Variants in CCDC122 observed in about 807,000 individuals in gnomAD.
CCDC122 encodes the protein coiled-coil domain-containing protein 122.
In CCDC122, 38 loss-of-function variants were observed where a neutral mutation model predicts 37.0. The observed-to-expected ratio is 1.03, with a 90% CI of 0.79 to 1.35. The LOEUF is 1.35. Ranked by LOEUF, CCDC122 falls within the 40% of genes most tolerant of loss-of-function variation. The pLI is 0.00. For missense variants in CCDC122, 305 were observed against 310.0 expected, an observed-to-expected ratio of 0.98 and a Z score of 0.12; for synonymous variants, 83 against 95.6, an observed-to-expected ratio of 0.87 and a Z score of 0.77.
At position 43,847,352 on chromosome 13, in the gene CCDC122, T is replaced by C. The variant is rs75018270; in HGVS notation, c.673-9923A>G. ...GAGAGTAATGATAGAGAACAACATG[T>C]TAGAAGGTGGTATAAAAGGAACTAC... On this transcript the variant is annotated intron_variant, in intron 6 of 6. Coordinates refer to ENST00000444614, the MANE Select transcript of CCDC122 (RefSeq NM_144974.5). Among the ~76,000 whole-genome samples the C allele has an allele frequency of 3.0e-4, 45 of 152,286 alleles. No individual in the cohort carries two copies. The East Asian group carries it at 8.7e-3, about 29-fold the overall frequency.
intron 6 of CCDC122, 148 bp from the exon 7 acceptor site, chr13:43,837,577 T>C: frequency 3.0e-6 from 2 of 663,364 alleles, no homozygotes; most frequent in Non-Finnish European, 4.8e-6. Flanking sequence ...ACAGTAATTG[T>C]AAAACTGTTT....
rs1375441529 is a variant in CCDC122 at position 43,858,823 on chromosome 13, C to T, written c.630G>A (p.Glu210=). The change falls in exon 6 of 7, where the codon GAG becomes GAA. Residue 210 remains glutamate, a synonymous_variant. Transcript: ENST00000444614. Reference sequence around the variant, plus strand: ...ATTTTTCATGTGTCTTTTTTTCTTCCTCAAGAAAACAAGTTTTTTCAATGA... The same window carrying T: ...ATTTTTCATGTGTCTTTTTTTCTTCTTCAAGAAAACAAGTTTTTTCAATGA... ...ESIIEKTCFL[E]EEKKTHEKLR... is the part of the protein sequence containing the mutation. The T allele has an allele frequency of 7.0e-7, 1 of 1,421,594 alleles. No homozygotes were observed. Among genetic ancestry groups the T allele is most frequent in the African/African-American group, 1.4e-5 (1 of 69,178 alleles). 88.1% of individuals were successfully genotyped at this position (1,421,594 alleles called of 1,614,324 possible).
chr13:43,859,639 G>GA, intron 5 of CCDC122, 33 bp downstream of exon 5: 2 of 1,440,982 alleles, frequency 1.4e-6, no homozygotes, highest in South Asian at 1.6e-5. Context: ...AGGAGTAATA[G>GA]AAAAAATAGT....
At chr13:43,860,293 A>G (rs1388482213) in intron 4 of CCDC122, among the ~76,000 whole-genome samples, 1 of 152,076 alleles carries the variant, frequency 6.6e-6, no homozygotes, top group African/African-American at 2.4e-5. Context: ...CTAATTCTAA[A>G]TATTAAAATC....
At chr13:43,872,192 C>T (rs1251463130) in intron 2 of CCDC122, among the ~76,000 whole-genome samples, 1 of 151,890 alleles carries the variant, frequency 6.6e-6, no homozygotes, top group Non-Finnish European at 1.5e-5. Context: ...TCCAATCCAT[C>T]GACTCTTGTA....
chr13:43,826,859 T>C (rs1277949779), intron 3 of CCDC122, among the ~76,000 whole-genome samples: 1 of 152,184 alleles, frequency 6.6e-6, no homozygotes, highest in Non-Finnish European at 1.5e-5. Context: ...TTAAATTTCA[T>C]AATCATGCAT....
At chr13:43,833,440 A>C (rs545020850), downstream of CCDC122, among the ~76,000 whole-genome samples, 14 of 152,330 alleles carry the variant, frequency 9.2e-5, no homozygotes, top group East Asian at 2.3e-3. Flanking sequence ...AAGACTCAGT[A>C]TTTTGAGAGT....
At chr13:43,845,234 C>T (rs769754876) in intron 6 of CCDC122, among the ~76,000 whole-genome samples, 5 of 152,114 alleles carry the variant, frequency 3.3e-5, no homozygotes, top group African/African-American at 4.8e-5. Flanking sequence ...AATATAAGAA[C>T]CTTACAACAA....
At chr13:43,867,172 T>A (rs1438876182) in intron 4 of CCDC122, among the ~76,000 whole-genome samples, 1 of 152,120 alleles carries the variant, frequency 6.6e-6, no homozygotes, top group Non-Finnish European at 1.5e-5. Flanking sequence ...GTATCTAGAA[T>A]TCTTTCTAAA....
intron 3 of CCDC122, among the ~76,000 whole-genome samples, chr13:43,826,895 G>A (rs1032625995): frequency 1.3e-5 from 2 of 152,016 alleles, no homozygotes; most frequent in Admixed American, 6.6e-5. Context: ...ATAAAACAAA[G>A]TTAAATTGCC....
intron 6 of CCDC122, among the ~76,000 whole-genome samples, chr13:43,842,264 C>A (rs1439020619): frequency 6.6e-6 from 1 of 151,890 alleles, no homozygotes; most frequent in African/African-American, 2.4e-5. Flanking sequence ...GTTTCCTCAC[C>A]GATATCCAGT....
intron 1 of CCDC122, among the ~76,000 whole-genome samples, chr13:43,878,693 A>G (rs1030209531): frequency 6.6e-6 from 1 of 152,166 alleles, no homozygotes; most frequent in Admixed American, 6.5e-5. Flanking sequence ...CTATTTTCAA[A>G]TAAATGAACG....
chr13:43,832,168 T>C (rs1953096188), downstream of CCDC122, among the ~76,000 whole-genome samples: 1 of 151,434 alleles, frequency 6.6e-6, no homozygotes, highest in Non-Finnish European at 1.5e-5. Flanking sequence ...AGAAATACAT[T>C]ATAAATTAAA....
downstream of CCDC122, among the ~76,000 whole-genome samples, chr13:43,822,443 A>G (rs1170670708): frequency 1.3e-5 from 2 of 152,184 alleles, no homozygotes; most frequent in East Asian, 1.9e-4. Flanking sequence ...CTACCTGGCT[A>G]CCGCCTATGA....
intron 3 of CCDC122, among the ~76,000 whole-genome samples, chr13:43,831,121 T>G (rs1360815433): frequency 6.6e-6 from 1 of 152,210 alleles, no homozygotes; most frequent in Admixed American, 6.5e-5. Context: ...CTATCAACAT[T>G]ATTTAACTGC....
downstream of CCDC122, among the ~76,000 whole-genome samples, chr13:43,820,732 A>G: frequency 6.6e-6 from 1 of 152,236 alleles, no homozygotes; most frequent in East Asian, 1.9e-4. Flanking sequence ...CTGATGAAGC[A>G]GAATTTTTCT....
At chr13:43,831,902 T>G (rs1228495513), downstream of CCDC122, among the ~76,000 whole-genome samples, 2 of 152,172 alleles carry the variant, frequency 1.3e-5, no homozygotes, top group African/African-American at 4.8e-5. Flanking sequence ...TTTCTAAAGA[T>G]CTAGAGCTCA....
chr13:43,822,452 G>C (rs1182818498), downstream of CCDC122, among the ~76,000 whole-genome samples: 1 of 152,206 alleles, frequency 6.6e-6, no homozygotes, highest in Non-Finnish European at 1.5e-5. Context: ...TACCGCCTAT[G>C]ATCACTCAAG....
chr13:43,866,908 T>C (rs556025728), intron 4 of CCDC122, among the ~76,000 whole-genome samples: 22 of 152,230 alleles, frequency 1.4e-4, no homozygotes, highest in East Asian at 7.7e-4. Flanking sequence ...CTAAACTGGA[T>C]GAGTTTTATT....
Sources: allele counts gnomAD v4.1 joint callset (sites outside exome capture counted in the v4.1 genomes callset), GRCh38; gene constraint gnomAD v4.1.1; transcripts MANE v1.5; gene names NCBI Gene and HGNC (gene_info 2026-07-23, HGNC 2026-07-21).